Variants in RBMS3 observed in about 807,000 individuals in gnomAD.
RBMS3 encodes RNA binding motif single stranded interacting protein 3.
RBMS3 carries 27 observed loss-of-function variants against 66.8 expected under a neutral mutation model. That is an observed-to-expected ratio of 0.40 (90% CI 0.30 to 0.56). The LOEUF is 0.56. Among genes scored for constraint, RBMS3 ranks in the 20% least tolerant of loss-of-function variants. The pLI is 0.40. For missense variants in RBMS3, 513 were observed against 549.5 expected (o/e 0.93, Z 0.66); for synonymous variants, 188 against 183.0 (o/e 1.03, Z -0.22).
chr3:29,901,892 C>T (rs73831089), intron 10 of RBMS3, among the ~76,000 whole-genome samples: 3,274 of 151,782 alleles, frequency 0.022, 125 homozygotes, highest in African/African-American at 0.076. Context: ...GAGTTTGTAC[C>T]ATCAATCATT....
chr3:29,796,453 T>C (rs1190056519), intron 6 of RBMS3, among the ~76,000 whole-genome samples: 2 of 152,214 alleles, frequency 1.3e-5, no homozygotes, highest in Non-Finnish European at 2.9e-5. Context: ...TCTAGAATGA[T>C]GAATTCCTTC....
rs1163153923 is a variant in RBMS3, at chr3:29,395,065, T to C, written c.76-39678T>C. On this transcript the variant is annotated intron_variant, in intron 1 of 14. Transcript: ENST00000383767. ...CCCAGTATTACTCTGTTTAGTTTTATGTATGCTGGGTTGGGGGGGTTAATC... is the reference window on the plus strand; with the variant it reads ...CCCAGTATTACTCTGTTTAGTTTTACGTATGCTGGGTTGGGGGGGTTAATC... 2.6e-5 allele frequency among the ~76,000 whole-genome samples: 4 copies of C among 152,226 alleles called. No individual in the cohort carries two copies. The East Asian group carries it at 7.7e-4, about 29-fold the overall frequency.
chr3:29,646,049 G>C (rs546955951), intron 4 of RBMS3, among the ~76,000 whole-genome samples: 6 of 152,156 alleles, frequency 3.9e-5, no homozygotes. Context: ...TATCATCTTC[G>C]ATGTTCCCTT....
intron 10 of RBMS3, among the ~76,000 whole-genome samples, chr3:29,935,229 G>A (rs1464653617): frequency 1.3e-5 from 2 of 152,008 alleles, no homozygotes; most frequent in Non-Finnish European, 2.9e-5. Flanking sequence ...AGAAATGGAA[G>A]GATAAAATGA....
chr3:29,567,612 T>C (rs1468958647), intron 3 of RBMS3, among the ~76,000 whole-genome samples: 1 of 152,126 alleles, frequency 6.6e-6, no homozygotes, highest in Non-Finnish European at 1.5e-5. Context: ...CCATTATGAG[T>C]GAAGGAAAAT....
intron 3 of RBMS3, among the ~76,000 whole-genome samples, chr3:29,567,273 G>A (rs949329017): frequency 2.2e-4 from 34 of 152,096 alleles, no homozygotes; most frequent in Non-Finnish European, 1.5e-4. Flanking sequence ...TCCCAAAAAG[G>A]ATGAGCAGGA....
intron 1 of RBMS3, among the ~76,000 whole-genome samples, chr3:29,336,816 A>T (rs913575545): frequency 1.3e-5 from 2 of 152,134 alleles, no homozygotes; most frequent in East Asian, 3.9e-4. Context: ...CTTTGCCATC[A>T]TGTTTTCCTT....
intron 8 of RBMS3, among the ~76,000 whole-genome samples, chr3:29,894,811 CCT>C (rs1410882991): frequency 6.6e-6 from 1 of 151,500 alleles, no homozygotes; most frequent in Non-Finnish European, 1.5e-5. Context: ...TAGCTACAAT[CCT>C]CTCTGAAAAA....
chr3:29,968,093 G>A (rs1696967628), intron 12 of RBMS3, among the ~76,000 whole-genome samples: 1 of 152,146 alleles, frequency 6.6e-6, no homozygotes, highest in Admixed American at 6.5e-5. Flanking sequence ...ACTCTTTGAT[G>A]TAGGCATTTA....
Position 29,938,989 on chromosome 3 carries a change from T to C in RBMS3, c.1050+2793T>C, listed in dbSNP as rs149426672. On this transcript the variant is annotated intron_variant, in intron 11 of 14. Transcript: ENST00000383767. ...ATGTGCTTCTCAAATGAGCTGCTCA[T>C]ACCCTTCACCTCCAGTGGCTTCTAA... 4.6e-5 allele frequency among the ~76,000 whole-genome samples: 7 copies of C among 152,124 alleles called. No individual in the cohort carries two copies. In the South Asian group the frequency reaches 8.3e-4, roughly 18 times the overall value.
rs1194458123 is a variant in RBMS3 at position 29,988,209 on chromosome 3, G to A, written c.1165G>A (p.Ala389Thr). 1.2e-6 allele frequency: 2 copies of A among 1,610,406 alleles called. No homozygotes were observed. Among genetic ancestry groups the A allele is most frequent in the Non-Finnish European group, 1.7e-6 (2 of 1,177,150 alleles). The change falls in exon 13 of 15, where the codon GCT (alanine) becomes ACT (threonine). Residue 389 changes from alanine (A) to threonine (T), a missense_variant. By Grantham distance (58) the Ala-to-Thr change is moderately conservative (BLOSUM62 0). Coordinates refer to ENST00000383767, the MANE Select transcript of RBMS3 (RefSeq NM_001003793.3). The part of the protein sequence containing the change: ...IPQYTPVPPT[A>T]VSIEGVVADT... ...TCAGTACACGCCTGTGCCTCCGACA[G>A]CTGTTTCTATTGAAGTAAGTCTACC...
At chr3:29,309,725 T>A (rs1338932055) in intron 1 of RBMS3, among the ~76,000 whole-genome samples, 1 of 151,524 alleles carries the variant, frequency 6.6e-6, no homozygotes, top group Admixed American at 6.6e-5. Context: ...TTGTTAGGGA[T>A]TTCATATATT....
chr3:29,973,935 G>T (rs1297832261), intron 12 of RBMS3, among the ~76,000 whole-genome samples: 1 of 151,694 alleles, frequency 6.6e-6, no homozygotes, highest in Non-Finnish European at 1.5e-5. Flanking sequence ...CTCTAACTTA[G>T]ATTCCATAGT....
intron 6 of RBMS3, among the ~76,000 whole-genome samples, chr3:29,820,838 G>C (rs957200266): frequency 6.6e-6 from 1 of 152,128 alleles, no homozygotes; most frequent in African/African-American, 2.4e-5. Flanking sequence ...CTACTCCAGA[G>C]ACCAGAGACT....
At chr3:29,807,945 T>C (rs1031945730) in intron 6 of RBMS3, among the ~76,000 whole-genome samples, 1 of 151,914 alleles carries the variant, frequency 6.6e-6, no homozygotes, top group East Asian at 1.9e-4. Context: ...ATTGTCTTTG[T>C]ATATGCAAAA....
At chr3:29,905,692 T>C (rs942842095) in intron 10 of RBMS3, among the ~76,000 whole-genome samples, 3 of 152,100 alleles carry the variant, frequency 2.0e-5, no homozygotes, top group Non-Finnish European at 2.9e-5. Flanking sequence ...CTGGGCCACA[T>C]TGGAAGAAAA....
At chr3:29,480,295 A>C (rs2043086022) in intron 2 of RBMS3, among the ~76,000 whole-genome samples, 1 of 152,228 alleles carries the variant, frequency 6.6e-6, no homozygotes, top group East Asian at 1.9e-4. Flanking sequence ...CCCCAGATTT[A>C]TAAGAAGCCA....
intron 6 of RBMS3, among the ~76,000 whole-genome samples, chr3:29,772,090 G>A (rs973871584): frequency 6.6e-6 from 1 of 151,998 alleles, no homozygotes; most frequent in African/African-American, 2.4e-5. Context: ...GAGTGATGCA[G>A]TGTGCAAAGA....
intron 2 of RBMS3, among the ~76,000 whole-genome samples, chr3:29,486,427 G>C (rs1191384190): frequency 6.6e-6 from 1 of 152,124 alleles, no homozygotes; most frequent in African/African-American, 2.4e-5. Flanking sequence ...CTGTGCTGTC[G>C]GAAAGTCTGG....
Sources: allele counts gnomAD v4.1 joint callset (sites outside exome capture counted in the v4.1 genomes callset), GRCh38; gene constraint gnomAD v4.1.1; transcripts MANE v1.5; gene names NCBI Gene and HGNC (gene_info 2026-07-23, HGNC 2026-07-21).